The following PTPRD variants were observed in gnomAD, a reference collection of about 807,000 sequenced individuals.
PTPRD encodes the protein receptor-type tyrosine-protein phosphatase delta.
In PTPRD, 34 loss-of-function variants were observed where a neutral mutation model predicts 214.5. The observed-to-expected ratio is 0.16, with a 90% CI of 0.12 to 0.21. PTPRD has a LOEUF of 0.21. Among genes scored for constraint, PTPRD ranks in the 10% least tolerant of loss-of-function variants. PTPRD has a pLI of 1.00. For synonymous variants in PTPRD, 1,128 were observed against 845.7 expected, an observed-to-expected ratio of 1.33 and a Z score of -5.79; for missense variants, 2,545 against 2,398.7, an observed-to-expected ratio of 1.06 and a Z score of -1.27.
intron 11 of PTPRD, among the ~76,000 whole-genome samples, chr9:8,820,120 T>G (rs1566341182): frequency 6.6e-6 from 1 of 152,190 alleles, no homozygotes. Context: ...AGGAAACTAT[T>G]TGCTAACACT....
At chr9:8,676,548 G>C (rs1334200132) in intron 12 of PTPRD, among the ~76,000 whole-genome samples, 1 of 151,110 alleles carries the variant, frequency 6.6e-6, no homozygotes, top group Admixed American at 6.6e-5. Flanking sequence ...ACATCCACTT[G>C]ATTTTTGTGT....
chr9:9,920,242 T>G (rs10816235), intron 5 of PTPRD, among the ~76,000 whole-genome samples: 18,718 of 152,090 alleles, frequency 0.12, 2,011 homozygotes, highest in East Asian at 0.29. Flanking sequence ...CTCAGCTTTT[T>G]GTGGTCTGGA....
chr9:8,570,608 G>A (rs912201524), intron 14 of PTPRD, among the ~76,000 whole-genome samples: 2 of 152,028 alleles, frequency 1.3e-5, no homozygotes, highest in Non-Finnish European at 2.9e-5. Flanking sequence ...ACATTCTTAA[G>A]TCAACTTGCA....
At chr9:9,131,469 C>A (rs1350141890) in intron 10 of PTPRD, among the ~76,000 whole-genome samples, 2 of 152,044 alleles carry the variant, frequency 1.3e-5, no homozygotes, top group South Asian at 4.1e-4. Flanking sequence ...TCCCATGGAA[C>A]AGATTGTAGC....
At chr9:9,572,175 G>A (rs2086656295) in intron 8 of PTPRD, among the ~76,000 whole-genome samples, 2 of 151,276 alleles carry the variant, frequency 1.3e-5, no homozygotes, top group African/African-American at 2.4e-5. Context: ...ATATTCAGTG[G>A]TGCTCTGGTA....
intron 5 of PTPRD, among the ~76,000 whole-genome samples, chr9:9,935,783 C>A (rs1462218741): frequency 6.7e-6 from 1 of 149,152 alleles, no homozygotes; most frequent in African/African-American, 2.6e-5. Context: ...AATCCTAAGC[C>A]AAAAGAACAA....
chr9:8,921,302 A>G, intron 11 of PTPRD, among the ~76,000 whole-genome samples: 1 of 152,074 alleles, frequency 6.6e-6, no homozygotes, highest in East Asian at 1.9e-4. Flanking sequence ...AGCTTCCTGA[A>G]CTTGCTCTCA....
chr9:9,266,260 C>T (rs1156687335), intron 9 of PTPRD, among the ~76,000 whole-genome samples: 1 of 151,212 alleles, frequency 6.6e-6, no homozygotes, highest in African/African-American at 2.4e-5. Flanking sequence ...ATATATAAAG[C>T]AAATATTAAC....
At chr9:8,665,209 A>G (rs1022121577) in intron 12 of PTPRD, among the ~76,000 whole-genome samples, 1 of 152,222 alleles carries the variant, frequency 6.6e-6, no homozygotes, top group Non-Finnish European at 1.5e-5. Context: ...TCAAATTGCT[A>G]TGAAAAACAG....
intron 11 of PTPRD, among the ~76,000 whole-genome samples, chr9:8,938,212 A>G (rs953155858): frequency 6.6e-6 from 1 of 152,060 alleles, no homozygotes; most frequent in Admixed American, 6.6e-5. Context: ...AAAGTGCATT[A>G]TCTATAGGAG....
At chr9:10,088,989 T>A (rs1346928684) in intron 3 of PTPRD, among the ~76,000 whole-genome samples, 1 of 151,478 alleles carries the variant, frequency 6.6e-6, no homozygotes, top group Non-Finnish European at 1.5e-5. Context: ...AAGGACCAAT[T>A]GAGGCTAGGA....
intron 5 of PTPRD, among the ~76,000 whole-genome samples, chr9:9,870,141 G>T (rs1327497082): frequency 6.6e-6 from 1 of 151,950 alleles, no homozygotes. Flanking sequence ...TCTAAGATTG[G>T]TAAAAAGGTA....
chr9:8,706,612 A>AG (rs2098215828), intron 12 of PTPRD, among the ~76,000 whole-genome samples: 1 of 152,206 alleles, frequency 6.6e-6, no homozygotes. Context: ...AAGAAAAAAA[A>AG]GCGCTCATCT....
At chr9:8,947,006 C>T (rs1588621546) in intron 11 of PTPRD, among the ~76,000 whole-genome samples, 1 of 135,846 alleles carries the variant, frequency 7.4e-6, no homozygotes. Context: ...CTATCTCTGT[C>T]TCTCTGTATT....
intron 2 of PTPRD, among the ~76,000 whole-genome samples, chr9:10,343,210 G>C (rs368381576): frequency 6.6e-6 from 1 of 151,550 alleles, no homozygotes; most frequent in Non-Finnish European, 1.5e-5. Flanking sequence ...TCCCACCTAT[G>C]AGTGAGAACG....
intron 3 of PTPRD, among the ~76,000 whole-genome samples, chr9:10,301,938 T>G (rs2095873422): frequency 6.6e-6 from 1 of 152,054 alleles, no homozygotes. Flanking sequence ...AAGATACTCC[T>G]TGAGAAGAGC....
chr9:8,333,882 T>C (rs146301917), intron 43 of PTPRD, among the ~76,000 whole-genome samples: 2 of 152,054 alleles, frequency 1.3e-5, no homozygotes, highest in East Asian at 3.9e-4. Flanking sequence ...GTTGCAATCC[T>C]AGTCTCTGAT....
chr9:9,076,619 A>T (rs1284406117), intron 10 of PTPRD, among the ~76,000 whole-genome samples: 1 of 152,052 alleles, frequency 6.6e-6, no homozygotes, highest in Non-Finnish European at 1.5e-5. Context: ...TGTTGTTGCA[A>T]ATGACAGGAT....
intron 2 of PTPRD, among the ~76,000 whole-genome samples, chr9:10,370,157 G>A (rs1486470761): frequency 1.3e-5 from 2 of 152,044 alleles, no homozygotes; most frequent in Non-Finnish European, 2.9e-5. Flanking sequence ...TTGCTTATCA[G>A]TAGGACGTTG....
Sources: allele counts gnomAD v4.1 joint callset (sites outside exome capture counted in the v4.1 genomes callset), GRCh38; gene constraint gnomAD v4.1.1; transcripts MANE v1.5; gene names NCBI Gene and HGNC (gene_info 2026-07-23, HGNC 2026-07-21).